Variants in POU2F2 observed in about 807,000 individuals in gnomAD.
POU2F2 encodes the protein POU domain, class 2, transcription factor 2.
POU2F2 carries 14 observed loss-of-function variants against 63.5 expected under a neutral mutation model. The observed-to-expected ratio is 0.22, with a 90% CI of 0.15 to 0.34. POU2F2 has a LOEUF of 0.34. POU2F2 is among the 10% of genes least tolerant of loss of function. POU2F2 has a pLI of 1.00. For synonymous variants in POU2F2, 306 were observed against 348.6 expected, an observed-to-expected ratio of 0.88 and a Z score of 1.36; for missense variants, 607 against 815.2, an observed-to-expected ratio of 0.74 and a Z score of 3.11.
intron 2 of POU2F2, among the ~76,000 whole-genome samples, chr19:42,138,852 C>T (rs1028148571): frequency 2.6e-5 from 4 of 152,106 alleles, no homozygotes; most frequent in African/African-American, 9.7e-5. Flanking sequence ...CAGCATCTTC[C>T]AAGAAGCAAG....
chr19:42,144,771 C>A (rs371266051), intron 2 of POU2F2, among the ~76,000 whole-genome samples: 9 of 152,214 alleles, frequency 5.9e-5, no homozygotes, highest in African/African-American at 2.2e-4. Context: ...CAGAGGAGCA[C>A]CCCAAGGCGG....
In POU2F2 at chr19:42,169,529, A is replaced by G. The variant is rs140758500; in HGVS notation, c.-70+6434T>C. On this transcript the variant is annotated intron_variant, in intron 1 of 6. Transcript: ENST00000524801. The surrounding 1 kb of genome is among the most constrained non-coding windows in gnomAD (Gnocchi z 4.3). ...TCTATGTGCATCTGCAGGGTTTAGCATCTATGAATTTTCTTAGGGAATCTC... is the reference window on the plus strand; with the variant it reads ...TCTATGTGCATCTGCAGGGTTTAGCGTCTATGAATTTTCTTAGGGAATCTC... 1.3e-3 allele frequency among the ~76,000 whole-genome samples: 193 copies of G among 152,242 alleles called. 1 individual carries two copies. The highest frequency in any genetic ancestry group is 4.4e-3 in the African/African-American group (183 of 41,554).
intron 1 of POU2F2, among the ~76,000 whole-genome samples, chr19:42,124,903 G>A (rs148160977): frequency 2.0e-5 from 3 of 152,304 alleles, no homozygotes; most frequent in African/African-American, 4.8e-5. Flanking sequence ...GAGCACCTTG[G>A]GGGTACTGAC....
intron 5 of POU2F2, among the ~76,000 whole-genome samples, chr19:42,101,985 A>AG (rs2077161249): frequency 6.6e-6 from 1 of 152,034 alleles, no homozygotes; most frequent in Non-Finnish European, 1.5e-5. Context: ...TCAAAAAAAA[A>AG]AAAAAAAGAA....
intron 11 of POU2F2, among the ~76,000 whole-genome samples, chr19:42,094,200 T>C (rs2076836777): frequency 6.6e-6 from 1 of 152,176 alleles, no homozygotes; most frequent in Non-Finnish European, 1.5e-5. Context: ...CTGCTCCACA[T>C]GCTCCTGATA....
chr19:42,188,728 G>A (rs1426112321), intron 1 of POU2F2, among the ~76,000 whole-genome samples: 1 of 136,710 alleles, frequency 7.3e-6, no homozygotes, highest in Non-Finnish European at 1.6e-5. Flanking sequence ...AGGGAGGAAG[G>A]GAAGAAGGAA....
chr19:42,093,984 G>C (rs1030861578), intron 11 of POU2F2, 89 bp from the exon 12 acceptor site: 4 of 1,141,772 alleles, frequency 3.5e-6, no homozygotes, highest in Non-Finnish European at 5.1e-6. Flanking sequence ...CTCCGTCCCA[G>C]GATGGGGGCA....
intron 1 of POU2F2, among the ~76,000 whole-genome samples, chr19:42,163,208 A>G (rs918056737): frequency 1.3e-5 from 2 of 152,116 alleles, no homozygotes; most frequent in Admixed American, 1.3e-4. Flanking sequence ...ATGGCCCACA[A>G]AGGGCCATGG....
chr19:42,171,594 G>C (rs2034770286), intron 1 of POU2F2, among the ~76,000 whole-genome samples: 1 of 152,112 alleles, frequency 6.6e-6, no homozygotes, highest in African/African-American at 2.4e-5. Flanking sequence ...AAGCAGTTGT[G>C]AGCAAGTGGA....
chr19:42,091,055 A>C lies in POU2F2; in HGVS notation c.*202T>G. 3.1e-6 allele frequency: 1 copy of C among 321,850 alleles called. No homozygotes were observed. Among genetic ancestry groups the C allele is most frequent in the Non-Finnish European group, 4.9e-6 (1 of 202,968 alleles). The allele number at this position is 321,850 out of a possible 1,614,324, so 19.9% of individuals were successfully genotyped here. A position where few individuals can be genotyped will look rare whatever the true frequency, so the allele number is the denominator to read the frequency against. Reference sequence around the variant, plus strand: ...TTTGGGGCAGCTGGTTTCTGTTGTGATTATTTTTGGTTTTCTCTTTTGTTG... The same window carrying C: ...TTTGGGGCAGCTGGTTTCTGTTGTGCTTATTTTTGGTTTTCTCTTTTGTTG... On this transcript the variant is annotated 3_prime_UTR_variant, in exon 15 of 15. Transcript: ENST00000692977.
intron 2 of POU2F2, among the ~76,000 whole-genome samples, chr19:42,149,584 G>C (rs1461025202): frequency 6.6e-6 from 1 of 152,182 alleles, no homozygotes; most frequent in African/African-American, 2.4e-5. Flanking sequence ...CCTGGAGGGA[G>C]AGGCAGCAAT....
chr19:42,137,288 A>C (rs1224812500), upstream of POU2F2, among the ~76,000 whole-genome samples: 2 of 152,264 alleles, frequency 1.3e-5, no homozygotes, highest in South Asian at 2.1e-4. Context: ...GCAATGAGCT[A>C]TGATGGCACC....
At chr19:42,151,274 G>A (rs987889141) in intron 2 of POU2F2, among the ~76,000 whole-genome samples, 12 of 152,008 alleles carry the variant, frequency 7.9e-5, no homozygotes, top group East Asian at 5.8e-4. Flanking sequence ...TCAGGGAAGC[G>A]GGGAGGAGAG....
At chr19:42,182,336 G>A (rs781219360) in intron 1 of POU2F2, among the ~76,000 whole-genome samples, 1 of 150,382 alleles carries the variant, frequency 6.6e-6, no homozygotes, top group Non-Finnish European at 1.5e-5. Context: ...GAGGACACAG[G>A]CAGAGGGAGA....
intron 2 of POU2F2, among the ~76,000 whole-genome samples, chr19:42,158,536 G>A (rs1411739297): frequency 6.6e-6 from 1 of 152,162 alleles, no homozygotes; most frequent in Non-Finnish European, 1.5e-5. Context: ...TGTAACAGGT[G>A]CCAACACCCA....
rs1258309486 is a variant in POU2F2 at position 42,117,187 on chromosome 19, C to T, written c.369+63G>A. On this transcript the variant is annotated intron_variant, in intron 5 of 14. Transcript: ENST00000692977. The surrounding 1 kb of genome is among the most constrained non-coding windows in gnomAD (Gnocchi z 4.4). ...CTTGGTGGAACAGTTCATCCACTAG[C>T]CCTGTAACAGATGAGGGGTGGCTGG... The T allele has an allele frequency of 2.4e-6, 3 of 1,271,962 alleles. No homozygotes were observed. Among genetic ancestry groups the T allele is most frequent in the Non-Finnish European group, 3.2e-6 (3 of 932,982 alleles). The allele number at this position is 1,271,962 out of a possible 1,614,324, so 78.8% of individuals were successfully genotyped here. A position where few individuals can be genotyped will look rare whatever the true frequency, so the allele number is the denominator to read the frequency against.
chr19:42,175,137 C>T (rs2034848185), intron 1 of POU2F2, among the ~76,000 whole-genome samples: 1 of 152,184 alleles, frequency 6.6e-6, no homozygotes, highest in Admixed American at 6.5e-5. Context: ...TGAGCCCTCA[C>T]TTAAGATCTT....
chr19:42,184,667 A>G (rs1392314158), intron 1 of POU2F2, among the ~76,000 whole-genome samples: 6 of 152,070 alleles, frequency 3.9e-5, no homozygotes, highest in Non-Finnish European at 2.9e-5. Flanking sequence ...AAATCCTACA[A>G]GCACTTTTCA....
chr19:42,189,920 G>T (rs1599733802), intron 1 of POU2F2, among the ~76,000 whole-genome samples: 1 of 152,150 alleles, frequency 6.6e-6, no homozygotes. Context: ...CAGAGACAGG[G>T]TCTCACTATG....
Sources: allele counts gnomAD v4.1 joint callset (sites outside exome capture counted in the v4.1 genomes callset), GRCh38; gene constraint gnomAD v4.1.1; non-coding constraint Gnocchi (gnomAD v3.1); transcripts MANE v1.5; gene names NCBI Gene and HGNC (gene_info 2026-07-23, HGNC 2026-07-21).